AGBL1: variants seen among roughly 807,000 people sequenced by gnomAD.
AGBL1 encodes AGBL carboxypeptidase 1, also known as cytosolic carboxypeptidase 4.
AGBL1 carries 130 observed loss-of-function variants against 118.9 expected under a neutral mutation model. The observed-to-expected ratio is 1.09, with a 90% CI of 0.95 to 1.26. The LOEUF (loss-of-function observed/expected upper bound fraction) is 1.26. Among genes scored for constraint, AGBL1 ranks in the 50% most tolerant of loss-of-function variants. The pLI is 0.00. For synonymous variants in AGBL1, 555 were observed against 478.9 expected (o/e 1.16, Z -2.08); for missense variants, 1,584 against 1,298.1 (o/e 1.22, Z -3.38).
At chr15:86,238,241 C>T (rs1228514860) in intron 6 of AGBL1, among the ~76,000 whole-genome samples, 1 of 152,234 alleles carries the variant, frequency 6.6e-6, no homozygotes, top group Non-Finnish European at 1.5e-5. Context: ...TGTGGGACTG[C>T]AAACCCCATA....
chr15:86,984,744 A>AT (rs1268767477), intron 23 of AGBL1, among the ~76,000 whole-genome samples: 1 of 152,128 alleles, frequency 6.6e-6, no homozygotes, highest in Admixed American at 6.5e-5. Context: ...TAGGTGCAAT[A>AT]TTTTTCCCAG....
chr15:86,906,342 G>T (rs1567233243), intron 22 of AGBL1, among the ~76,000 whole-genome samples: 1 of 152,190 alleles, frequency 6.6e-6, no homozygotes, highest in East Asian at 1.9e-4. Context: ...CGTTCCTACT[G>T]CCCCCTTCTA....
At chr15:86,679,585 C>G (rs972525447) in intron 22 of AGBL1, among the ~76,000 whole-genome samples, 1 of 152,008 alleles carries the variant, frequency 6.6e-6, no homozygotes, top group East Asian at 1.9e-4. Context: ...AGTTTTGAGA[C>G]TAATGTTTAA....
intron 22 of AGBL1, among the ~76,000 whole-genome samples, chr15:86,823,386 G>A (rs147481362): frequency 1.0e-3 from 157 of 152,236 alleles, no homozygotes; most frequent in African/African-American, 3.6e-3. Flanking sequence ...AATTTCTGCA[G>A]GACAACAGTC....
chr15:86,747,989 T>C (rs2077782935), intron 22 of AGBL1, among the ~76,000 whole-genome samples: 1 of 152,190 alleles, frequency 6.6e-6, no homozygotes, highest in Non-Finnish European at 1.5e-5. Flanking sequence ...TTTGGGTATA[T>C]ACCCAGTAAT....
chr15:86,860,135 C>T lies in AGBL1; in HGVS notation c.3159-46952C>T, dbSNP rs564638851. On this transcript the variant is annotated intron_variant, in intron 22 of 22. Coordinates refer to ENST00000614907, the MANE Select transcript of AGBL1 (RefSeq NM_001386094.1). ...CTTAGTCATTCACCGACTGTAAAAA[C>T]GGTGAACTTAGGGCAAGTTACCAAG... is the stretch of plus-strand genomic sequence containing the variant. 2.9e-4 allele frequency among the ~76,000 whole-genome samples: 44 copies of T among 152,236 alleles called. 1 individual carries two copies. In the South Asian group the frequency reaches 8.5e-3, roughly 29 times the overall value.
intron 1 of AGBL1, among the ~76,000 whole-genome samples, chr15:86,139,604 C>A (rs1382257016): frequency 6.6e-6 from 1 of 150,962 alleles, no homozygotes; most frequent in Non-Finnish European, 1.5e-5. Flanking sequence ...TCTGAAAACA[C>A]AATCAATCTC....
At chr15:86,236,942 C>T (rs28582969) in intron 6 of AGBL1, among the ~76,000 whole-genome samples, 27,600 of 43,016 alleles carry the variant, frequency 0.64, 6,663 homozygotes, top group Middle Eastern at 0.75. Context: ...CGGGGGGGGG[C>T]GGGGGGGGGC....
intron 22 of AGBL1, among the ~76,000 whole-genome samples, chr15:86,766,582 T>C (rs2078100314): frequency 6.6e-6 from 1 of 151,960 alleles, no homozygotes; most frequent in Non-Finnish European, 1.5e-5. Flanking sequence ...TTTTTTCTAT[T>C]ATAAGGGAAC....
rs143054009 is a variant in AGBL1, at chr15:86,657,332, C to T, written c.2995-16941C>T. On this transcript the variant is annotated intron_variant, in intron 21 of 22. Coordinates refer to ENST00000614907, the MANE Select transcript of AGBL1 (RefSeq NM_001386094.1). ...CTCCTGCTCCTTGACACAAGCTTTC[C>T]TCACTTCATGAGAGTTTCTGATTAG... 4.4e-3 allele frequency among the ~76,000 whole-genome samples: 673 copies of T among 152,302 alleles called. 4 individuals carry two copies. Among genetic ancestry groups the T allele is most frequent in the Non-Finnish European group, 6.5e-3 (444 of 68,020 alleles).
At chr15:86,364,973 A>G (rs2080860657) in intron 17 of AGBL1, among the ~76,000 whole-genome samples, 1 of 83,778 alleles carries the variant, frequency 1.2e-5, no homozygotes, top group African/African-American at 3.8e-5. Flanking sequence ...ATATATATAT[A>G]TATATATATA....
chr15:86,934,344 A>G (rs1348736658), intron 23 of AGBL1, among the ~76,000 whole-genome samples: 1 of 152,182 alleles, frequency 6.6e-6, no homozygotes, highest in African/African-American at 2.4e-5. Flanking sequence ...AAGGTCTAAC[A>G]GCTCCCTATT....
intron 23 of AGBL1, among the ~76,000 whole-genome samples, chr15:86,927,009 G>A (rs1405686430): frequency 6.6e-6 from 1 of 151,570 alleles, no homozygotes; most frequent in Non-Finnish European, 1.5e-5. Flanking sequence ...TGTGGTGGTG[G>A]GCGCCTGTAA....
At chr15:86,881,122 A>G (rs2079885631) in intron 22 of AGBL1, among the ~76,000 whole-genome samples, 1 of 152,170 alleles carries the variant, frequency 6.6e-6, no homozygotes, top group African/African-American at 2.4e-5. Context: ...AGACATGCTA[A>G]GTTCCATTTT....
rs2078994155 is a variant in AGBL1, at chr15:86,825,409, AAAAAAAAAAAAAAAG to A, written c.3159-81677_3159-81663del. Among the ~76,000 whole-genome samples, 6 of 144,120 alleles carry A rather than the reference AAAAAAAAAAAAAAAG, an allele frequency of 4.2e-5. No homozygotes were observed. In the Admixed American group the frequency reaches 4.2e-4, roughly 10 times the overall value. 94.5% of individuals were successfully genotyped at this position (144,120 alleles called of 152,430 possible). On this transcript the variant is annotated intron_variant, in intron 22 of 22. Transcript: ENST00000614907. ...CTGTAAAAAAAAAAAAAAAAAAAAA[AAAAAAAAAAAAAAAG>A]GTTGCAAGCCAGATATCTGGGAAAG...
intron 22 of AGBL1, among the ~76,000 whole-genome samples, chr15:86,855,020 C>T (rs1225559643): frequency 6.6e-6 from 1 of 152,142 alleles, no homozygotes; most frequent in East Asian, 1.9e-4. Flanking sequence ...AGATGAGAAA[C>T]TTGTCTTCTG....
intron 19 of AGBL1, among the ~76,000 whole-genome samples, chr15:86,535,857 T>C (rs1049465431): frequency 1.3e-5 from 2 of 152,204 alleles, no homozygotes; most frequent in African/African-American, 4.8e-5. Context: ...TACACATGAA[T>C]TGTTTTATTT....
At chr15:86,309,188 T>C (rs1396670190) in intron 17 of AGBL1, among the ~76,000 whole-genome samples, 1 of 152,208 alleles carries the variant, frequency 6.6e-6, no homozygotes, top group African/African-American at 2.4e-5. Context: ...GTAAATGAGA[T>C]TTTTTAAATT....
At chr15:86,715,876 G>A (rs2086630180) in intron 22 of AGBL1, among the ~76,000 whole-genome samples, 1 of 151,964 alleles carries the variant, frequency 6.6e-6, no homozygotes, top group African/African-American at 2.4e-5. Context: ...GGCTAACATG[G>A]TGAAACCCCA....
Sources: allele counts gnomAD v4.1 joint callset (sites outside exome capture counted in the v4.1 genomes callset), GRCh38; gene constraint gnomAD v4.1.1; transcripts MANE v1.5; gene names NCBI Gene and HGNC (gene_info 2026-07-23, HGNC 2026-07-21).